MAPRE2: variants seen among roughly 807,000 people sequenced by gnomAD.
MAPRE2 encodes microtubule-associated protein RP/EB family member 2.
In MAPRE2, 13 loss-of-function variants were observed where a neutral mutation model predicts 43.2. That is an observed-to-expected ratio of 0.30 (90% confidence interval 0.20 to 0.48). The LOEUF (loss-of-function observed/expected upper bound fraction) is 0.48, where lower values mean the gene tolerates loss of function less well. Among genes scored for constraint, MAPRE2 ranks in the 20% least tolerant of loss-of-function variants. MAPRE2 has a pLI of 0.99. For missense variants in MAPRE2, 161 were observed against 400.2 expected, an observed-to-expected ratio of 0.40 and a Z score of 5.10; for synonymous variants, 135 against 148.8, an observed-to-expected ratio of 0.91 and a Z score of 0.68.
At chr18:35,003,174 A>G (rs762811484) in intron 1 of MAPRE2, among the ~76,000 whole-genome samples, 6 of 152,264 alleles carry the variant, frequency 3.9e-5, no homozygotes, top group Middle Eastern at 3.4e-3. Context: ...GCTGCATGGG[A>G]AGGCTAGACT....
At chr18:34,982,137 C>T (rs538818518) in intron 1 of MAPRE2, among the ~76,000 whole-genome samples, 3 of 152,222 alleles carry the variant, frequency 2.0e-5, no homozygotes, top group African/African-American at 7.2e-5. Context: ...CCCACCTCGG[C>T]CTCCCAGAAT....
chr18:34,996,845 C>T (rs2097026750), intron 1 of MAPRE2, among the ~76,000 whole-genome samples: 1 of 152,098 alleles, frequency 6.6e-6, no homozygotes, highest in Non-Finnish European at 1.5e-5. Context: ...GCAAAGGAAG[C>T]CTGATAAACA....
intron 3 of MAPRE2, among the ~76,000 whole-genome samples, chr18:35,099,382 A>G (rs1908571618): frequency 6.6e-6 from 1 of 152,232 alleles, no homozygotes. Context: ...TGGGAGGCCA[A>G]GGCGGGAGGG....
chr18:35,122,120 G>GA (rs1328718610), intron 4 of MAPRE2, among the ~76,000 whole-genome samples: 1 of 152,130 alleles, frequency 6.6e-6, no homozygotes, highest in African/African-American at 2.4e-5. Context: ...TATTTATTCT[G>GA]AAAAAGAAAA....
At chr18:35,019,843 GA>G (rs1181093539) in intron 2 of MAPRE2, among the ~76,000 whole-genome samples, 2 of 151,948 alleles carry the variant, frequency 1.3e-5, no homozygotes, top group Non-Finnish European at 2.9e-5. Flanking sequence ...TTACAGCGTG[GA>G]ATTCCTGATT....
intron 1 of MAPRE2, among the ~76,000 whole-genome samples, chr18:34,986,083 T>C (rs1048517187): frequency 5.9e-5 from 9 of 152,048 alleles, no homozygotes; most frequent in Non-Finnish European, 1.2e-4. Flanking sequence ...GTATTTGAAG[T>C]AGGTAGGAGG....
At chr18:35,070,079 C>A in intron 1 of MAPRE2, 116 bp from the exon 2 acceptor site, 1 of 700,036 alleles carries the variant, frequency 1.4e-6, no homozygotes, top group Non-Finnish European at 2.3e-6. Flanking sequence ...AGGGCTTAGC[C>A]AGAGCAGGAC....
intron 6 of MAPRE2, among the ~76,000 whole-genome samples, chr18:35,135,718 C>G (rs1910358811): frequency 6.6e-6 from 1 of 152,250 alleles, no homozygotes; most frequent in African/African-American, 2.4e-5. Flanking sequence ...GTTTTCTGGC[C>G]AGCCCCACAC....
At chr18:35,016,576 T>C (rs1356183092) in intron 2 of MAPRE2, among the ~76,000 whole-genome samples, 12 of 152,128 alleles carry the variant, frequency 7.9e-5, no homozygotes, top group Admixed American at 7.9e-4. Context: ...GCATTTTTCA[T>C]AAGTTTGTTT....
chr18:35,118,250 G>T (rs552071898), intron 4 of MAPRE2, among the ~76,000 whole-genome samples: 1 of 152,098 alleles, frequency 6.6e-6, no homozygotes, highest in African/African-American at 2.4e-5. Flanking sequence ...CGCCTCACTC[G>T]TATGCTCTCC....
At chr18:35,024,548 G>T (rs1405194650) in intron 2 of MAPRE2, among the ~76,000 whole-genome samples, 1 of 152,054 alleles carries the variant, frequency 6.6e-6, no homozygotes, top group Non-Finnish European at 1.5e-5. Flanking sequence ...ATGAAGAAGA[G>T]AATCTGAAGA....
chr18:35,107,471 T>G (rs779433053), intron 4 of MAPRE2, among the ~76,000 whole-genome samples: 2 of 151,714 alleles, frequency 1.3e-5, no homozygotes, highest in Non-Finnish European at 2.9e-5. Flanking sequence ...GTCATCTAAG[T>G]ACTCATCACC....
At chr18:35,060,042 T>C (rs1369371703) in intron 1 of MAPRE2, among the ~76,000 whole-genome samples, 1 of 152,174 alleles carries the variant, frequency 6.6e-6, no homozygotes, top group Middle Eastern at 3.2e-3. Context: ...TCTGCTATAT[T>C]GCATGCGCCT....
intron 1 of MAPRE2, among the ~76,000 whole-genome samples, chr18:34,981,652 C>T (rs1176639667): frequency 6.6e-6 from 1 of 152,068 alleles, no homozygotes. Flanking sequence ...TGCCAAATTA[C>T]ACAAGTGAAT....
intron 2 of MAPRE2, among the ~76,000 whole-genome samples, chr18:35,080,250 G>A (rs1907567228): frequency 6.6e-6 from 1 of 152,152 alleles, no homozygotes; most frequent in African/African-American, 2.4e-5. Flanking sequence ...ATTTATTCCT[G>A]CAGTCAGCAG....
At chr18:34,985,358 T>TAAAATAATATATAATATATTATA in intron 1 of MAPRE2, among the ~76,000 whole-genome samples, 1 of 41,252 alleles carries the variant, frequency 2.4e-5, no homozygotes, top group African/African-American at 1.1e-4. Flanking sequence ...ATTATATATA[T>TAAAATAATATATAATATATTATA]AATATAATAT....
chr18:35,015,855 T>A (rs751122369), intron 2 of MAPRE2, among the ~76,000 whole-genome samples: 3 of 151,990 alleles, frequency 2.0e-5, no homozygotes, highest in African/African-American at 7.2e-5. Context: ...GCAGTTTTAT[T>A]ACCTGGGTAT....
chr18:35,093,211 C>CAAAAAA (rs56833433), intron 2 of MAPRE2, among the ~76,000 whole-genome samples: 1 of 52,272 alleles, frequency 1.9e-5, no homozygotes, highest in Non-Finnish European at 3.3e-5. Context: ...GACCCTGTCT[C>CAAAAAA]AAAAAAAAAA....
chr18:35,134,415 A>T (rs2144254141), intron 6 of MAPRE2, among the ~76,000 whole-genome samples: 1 of 152,242 alleles, frequency 6.6e-6, no homozygotes, highest in East Asian at 1.9e-4. Flanking sequence ...CCTTAACCAC[A>T]TCCCTGTGAG....
Sources: allele counts gnomAD v4.1 joint callset (sites outside exome capture counted in the v4.1 genomes callset), GRCh38; gene constraint gnomAD v4.1.1; transcripts MANE v1.5; gene names NCBI Gene and HGNC (gene_info 2026-07-23, HGNC 2026-07-21).